The following DACH2 variants were observed in gnomAD, a reference collection of about 807,000 sequenced individuals.
DACH2 encodes the protein dachshund homolog 2.
A neutral mutation model predicts 35.8 loss-of-function variants in DACH2; 17 were observed. The ratio of observed to expected loss-of-function variants is 0.48; its 90% CI spans 0.33 to 0.71. DACH2 has a LOEUF of 0.71. DACH2 is among the 30% of genes least tolerant of loss of function. DACH2 has a pLI of 0.02. For synonymous variants in DACH2, 195 were observed against 177.3 expected (o/e 1.10, Z -0.79); for missense variants, 469 against 472.7 (o/e 0.99, Z 0.07).
chrX:86,667,083 TAAA>T (rs66948603), intron 4 of DACH2, among the ~76,000 whole-genome samples: 1 of 55,720 alleles, frequency 1.8e-5, no homozygotes, highest in Non-Finnish European at 3.0e-5. Context: ...CCATCTCTAC[TAAA>T]AAAAAAAAAA....
At chrX:86,444,029 T>C (rs141491897) in intron 2 of DACH2, among the ~76,000 whole-genome samples, 1 of 111,709 alleles carries the variant, frequency 9.0e-6, no homozygotes, top group Non-Finnish European at 1.9e-5. Context: ...CTGGAAATAC[T>C]CTCTCATCTT....
At chrX:86,343,962 A>G (rs780972585) in intron 1 of DACH2, among the ~76,000 whole-genome samples, 2 of 110,475 alleles carry the variant, frequency 1.8e-5, no homozygotes, top group South Asian at 7.8e-4. Flanking sequence ...GGATACAAAA[A>G]TATCATGAGA....
chrX:86,474,730 G>A (rs778044962), intron 2 of DACH2, among the ~76,000 whole-genome samples: 1 of 111,024 alleles, frequency 9.0e-6, no homozygotes, highest in African/African-American at 3.3e-5. Context: ...TTGTTTTTTT[G>A]TTTTGTTTTG....
chrX:86,195,415 G>A (rs2031951959), intron 1 of DACH2, among the ~76,000 whole-genome samples: 1 of 110,770 alleles, frequency 9.0e-6, no homozygotes, highest in African/African-American at 3.3e-5. Flanking sequence ...ACAGACCTAT[G>A]CCCACCAGCA....
chrX:86,462,364 TA>T (rs2037589739), intron 2 of DACH2, among the ~76,000 whole-genome samples: 1 of 111,463 alleles, frequency 9.0e-6, no homozygotes, highest in Non-Finnish European at 1.9e-5. Context: ...TACAGTGAAA[TA>T]AATGCAAATG....
chrX:86,333,854 A>G (rs2035254538), intron 1 of DACH2, among the ~76,000 whole-genome samples: 1 of 111,216 alleles, frequency 9.0e-6, no homozygotes, highest in African/African-American at 3.3e-5. Flanking sequence ...GTTTGCTGCA[A>G]CCATCAACCC....
At chrX:86,316,896 G>T (rs939025578) in intron 1 of DACH2, among the ~76,000 whole-genome samples, 4 of 110,761 alleles carry the variant, frequency 3.6e-5, no homozygotes, top group African/African-American at 1.3e-4. Flanking sequence ...GAGGCAGGTG[G>T]ATCGCGAGGT....
chrX:86,692,705 T>A (rs964517589), intron 4 of DACH2, among the ~76,000 whole-genome samples: 3 of 112,017 alleles, frequency 2.7e-5, no homozygotes, highest in Non-Finnish European at 5.6e-5. Flanking sequence ...TTTAATGTCT[T>A]CTAAATGTAT....
intron 1 of DACH2, among the ~76,000 whole-genome samples, chrX:86,166,798 C>A (rs1223654576): frequency 5.4e-5 from 6 of 111,493 alleles, no homozygotes; most frequent in Non-Finnish European, 1.1e-4. Context: ...ACCAAATACT[C>A]TTCTAGCATT....
At chrX:86,320,965 T>G (rs923756707) in intron 1 of DACH2, among the ~76,000 whole-genome samples, 1 of 111,850 alleles carries the variant, frequency 8.9e-6, no homozygotes, top group Non-Finnish European at 1.9e-5. Context: ...GCCATTTCTC[T>G]GTACCCAGGT....
chrX:86,305,796 C>T (rs2034674538), intron 1 of DACH2, among the ~76,000 whole-genome samples: 1 of 110,640 alleles, frequency 9.0e-6, no homozygotes. Flanking sequence ...AGATATTTCT[C>T]AAAAGAAGAT....
chrX:86,346,705 G>C (rs1289230935), intron 1 of DACH2, among the ~76,000 whole-genome samples: 1 of 111,503 alleles, frequency 9.0e-6, no homozygotes, highest in Non-Finnish European at 1.9e-5. Flanking sequence ...ATATTGTTCT[G>C]TTAAAGATGA....
At chrX:86,234,707 C>T (rs1373478704) in intron 1 of DACH2, among the ~76,000 whole-genome samples, 4 of 108,811 alleles carry the variant, frequency 3.7e-5, no homozygotes, top group African/African-American at 1.0e-4. Context: ...TCTTCCTTCC[C>T]GACTCCAGTG....
intron 4 of DACH2, among the ~76,000 whole-genome samples, chrX:86,687,577 A>G (rs2040960600): frequency 8.9e-6 from 1 of 111,777 alleles, no homozygotes; most frequent in Admixed American, 9.6e-5. Flanking sequence ...ATTCTATGAT[A>G]AAGACACATG....
At position 86,193,166 on chromosome X, in the gene DACH2, T is replaced by C. The variant is rs542850723; in HGVS notation, c.488+44058T>C. 3.6e-5 allele frequency among the ~76,000 whole-genome samples: 4 copies of C among 111,964 alleles called. 1 individual carries two copies. In the East Asian group the frequency reaches 1.1e-3, roughly 31 times the overall value. On this transcript the variant is annotated intron_variant, in intron 1 of 11. Coordinates refer to ENST00000373125, the MANE Select transcript of DACH2 (RefSeq NM_053281.3). ...AGTGACATGTTGAATTAGAGAAAGA[T>C]AATGTTCTAGTTTATAATTAAAAAT...
intron 7 of DACH2, among the ~76,000 whole-genome samples, chrX:86,756,478 T>G (rs1482724757): frequency 2.7e-5 from 3 of 110,159 alleles, no homozygotes; most frequent in Non-Finnish European, 3.8e-5. Flanking sequence ...CCTAGGTTTT[T>G]TTTTTTTTTT....
intron 2 of DACH2, among the ~76,000 whole-genome samples, chrX:86,382,994 A>T (rs1172264514): frequency 9.0e-6 from 1 of 110,670 alleles, no homozygotes; most frequent in Non-Finnish European, 1.9e-5. Context: ...TACTCTGGAA[A>T]CCACTATTTT....
intron 1 of DACH2, among the ~76,000 whole-genome samples, chrX:86,307,929 C>T (rs139238433): frequency 0.017 from 1,880 of 111,723 alleles, 33 homozygotes; most frequent in African/African-American, 0.055. Flanking sequence ...AGGGACTCTG[C>T]ACTTAATTTT....
At chrX:86,792,345 T>C in intron 7 of DACH2, among the ~76,000 whole-genome samples, 2 of 112,231 alleles carry the variant, frequency 1.8e-5, no homozygotes, top group Middle Eastern at 9.3e-3. Context: ...ATTCATCACC[T>C]CTGGCATTTG....
Sources: gnomAD v4.1 joint callset for allele counts (sites outside exome capture counted in the v4.1 genomes callset) on GRCh38, gnomAD v4.1.1 for gene constraint, MANE v1.5 for transcripts, NCBI Gene and HGNC (gene_info 2026-07-23, HGNC 2026-07-21) for gene names.